The following NRXN3 variants were observed in gnomAD, a reference collection of about 807,000 sequenced individuals.
NRXN3 encodes neurexin III.
NRXN3 carries 32 observed loss-of-function variants against 137.6 expected under a neutral mutation model. The observed-to-expected ratio is 0.23, with a 90% CI of 0.18 to 0.31. The LOEUF (loss-of-function observed/expected upper bound fraction) is 0.31, where lower values mean the gene tolerates loss of function less well. Among genes scored for constraint, NRXN3 ranks in the 10% least tolerant of loss-of-function variants. The pLI is 1.00. For synonymous variants in NRXN3, 798 were observed against 784.5 expected (o/e 1.02, Z -0.29); for missense variants, 1,574 against 2,062.5 (o/e 0.76, Z 4.59).
chr14:78,908,708 G>A (rs951845673), intron 10 of NRXN3, among the ~76,000 whole-genome samples: 2 of 151,948 alleles, frequency 1.3e-5, no homozygotes, highest in African/African-American at 2.4e-5. Context: ...TAAGACATTG[G>A]TTTGAATAGA....
intron 15 of NRXN3, among the ~76,000 whole-genome samples, chr14:79,439,286 G>T (rs993515900): frequency 2.0e-5 from 3 of 152,198 alleles, no homozygotes; most frequent in African/African-American, 7.2e-5. Flanking sequence ...TACTCAGAAA[G>T]CATTAAATTT....
chr14:78,656,356 G>C (rs984466844), intron 6 of NRXN3, among the ~76,000 whole-genome samples: 1 of 152,238 alleles, frequency 6.6e-6, no homozygotes, highest in East Asian at 1.9e-4. Flanking sequence ...TTGAAGCCAA[G>C]TAGAAGTGAG....
At chr14:79,005,479 G>A (rs2099550466) in intron 15 of NRXN3, among the ~76,000 whole-genome samples, 4 of 152,114 alleles carry the variant, frequency 2.6e-5, no homozygotes, top group Admixed American at 1.3e-4. Context: ...GAAGTTATCT[G>A]ATGAGAGTCT....
At chr14:79,023,223 T>A (rs2099592640) in intron 15 of NRXN3, among the ~76,000 whole-genome samples, 2 of 151,842 alleles carry the variant, frequency 1.3e-5, no homozygotes, top group South Asian at 2.1e-4. Flanking sequence ...ATTTTTAGTA[T>A]CTTTGGGGGT....
chr14:78,464,896 C>A (rs534824630), intron 4 of NRXN3, among the ~76,000 whole-genome samples: 1 of 152,326 alleles, frequency 6.6e-6, no homozygotes, highest in African/African-American at 2.4e-5. Context: ...CAGTCGTATT[C>A]TTACTTATCC....
intron 16 of NRXN3, among the ~76,000 whole-genome samples, chr14:79,534,464 T>C (rs1401690590): frequency 1.3e-5 from 2 of 152,124 alleles, no homozygotes; most frequent in Non-Finnish European, 2.9e-5. Context: ...ATAGAACAAA[T>C]AAACGAATGT....
intron 17 of NRXN3, among the ~76,000 whole-genome samples, chr14:79,674,898 CTG>C (rs1294947741): frequency 6.6e-6 from 1 of 152,066 alleles, no homozygotes; most frequent in African/African-American, 2.4e-5. Flanking sequence ...TGACTGAAAA[CTG>C]TATATCCCAG....
At chr14:78,288,774 A>G (rs937170586) in intron 3 of NRXN3, among the ~76,000 whole-genome samples, 3 of 152,196 alleles carry the variant, frequency 2.0e-5, no homozygotes, top group Admixed American at 1.3e-4. Context: ...TGCATGAGGA[A>G]GCCTCACCAC....
At chr14:78,657,422 C>T (rs1387714649) in intron 6 of NRXN3, among the ~76,000 whole-genome samples, 1 of 152,192 alleles carries the variant, frequency 6.6e-6, no homozygotes, top group East Asian at 1.9e-4. Context: ...TCCATTTTCC[C>T]AAGTGGAGAA....
Position 79,372,133 on chromosome 14 carries a change from C to CAG in NRXN3, c.3263-95087_3263-95086insGA, listed in dbSNP as rs1274915863. Among the ~76,000 whole-genome samples the CAG allele has an allele frequency of 7.8e-5, 9 of 114,806 alleles. No homozygotes were observed. The South Asian group carries it at 1.3e-3, about 16-fold the overall frequency. 75.3% of individuals were successfully genotyped at this position (114,806 alleles called of 152,430 possible). Reference sequence around the variant, plus strand: ...TCTACATACACATACTTAAGACACACATAGAGAGTGTGTGAGAGAGAATCA... The same window carrying CAG: ...TCTACATACACATACTTAAGACACACAGATAGAGAGTGTGTGAGAGAGAATCA... On this transcript the variant is annotated intron_variant, in intron 15 of 20. Coordinates refer to ENST00000335750, the MANE Select transcript of NRXN3 (RefSeq NM_001330195.2).
intron 4 of NRXN3, among the ~76,000 whole-genome samples, chr14:78,350,075 G>A (rs772364870): frequency 2.0e-5 from 3 of 152,176 alleles, no homozygotes; most frequent in Non-Finnish European, 4.4e-5. Context: ...ATCACCTGAT[G>A]TCAGGAGTTT....
Position 79,598,175 on chromosome 14 carries a change from C to T in NRXN3, c.3445-65603C>T, listed in dbSNP as rs550237687. On this transcript the variant is annotated intron_variant, in intron 16 of 20. Transcript: ENST00000335750. Reference sequence around the variant, plus strand: ...GCTTTGAATAGATAAAGAGATATTGCAAGGATAGATGAACTCACTATCGTC... The same window carrying T: ...GCTTTGAATAGATAAAGAGATATTGTAAGGATAGATGAACTCACTATCGTC... Among the ~76,000 whole-genome samples, 35 of 152,176 alleles carry T rather than the reference C, an allele frequency of 2.3e-4. 1 individual carries two copies. Among genetic ancestry groups the T allele is most frequent in the Admixed American group, 2.3e-3 (35 of 15,284 alleles).
chr14:79,667,009 C>G (rs539406905), intron 17 of NRXN3, among the ~76,000 whole-genome samples: 6 of 151,848 alleles, frequency 4.0e-5, no homozygotes, highest in African/African-American at 1.4e-4. Context: ...ACTTTTTGAG[C>G]CTTGGATACC....
rs138293725 is a variant in NRXN3 at position 79,421,267 on chromosome 14, T to C, written c.3263-45954T>C. Among the ~76,000 whole-genome samples the C allele has an allele frequency of 4.4e-3, 663 of 152,302 alleles. 3 individuals are homozygous for C. Among genetic ancestry groups the C allele is most frequent in the South Asian group, 0.015 (72 of 4,822 alleles). On this transcript the variant is annotated intron_variant, in intron 15 of 20. Coordinates refer to ENST00000335750, the MANE Select transcript of NRXN3 (RefSeq NM_001330195.2). ...CTCGCCGCACTAAGATATTTTAATA[T>C]ACTTCAGTGGGAAAGGCTCTGATCC... is the stretch of plus-strand genomic sequence containing the variant.
intron 16 of NRXN3, among the ~76,000 whole-genome samples, chr14:79,602,146 A>T (rs1003683231): frequency 1.3e-5 from 2 of 152,214 alleles, no homozygotes; most frequent in African/African-American, 4.8e-5. Context: ...GGAGAAAGAT[A>T]AGCACAGTTG....
At chr14:78,975,692 T>C (rs1400892111) in intron 14 of NRXN3, among the ~76,000 whole-genome samples, 1 of 152,172 alleles carries the variant, frequency 6.6e-6, no homozygotes, top group Non-Finnish European at 1.5e-5. Context: ...GCCTGTTACT[T>C]GACTTGGTCA....
chr14:78,943,089 G>A lies in NRXN3; in HGVS notation c.2276-14153G>A, dbSNP rs552044418. Among the ~76,000 whole-genome samples, 7 of 152,186 alleles carry A rather than the reference G, an allele frequency of 4.6e-5. No individual in the cohort carries two copies. The South Asian group carries it at 1.5e-3, about 32-fold the overall frequency. Reference sequence around the variant, plus strand: ...AAAATTAAATTGGAGTTATATGATGGTTCAGGGAGCAACACATGTGTAGAG... The same window carrying A: ...AAAATTAAATTGGAGTTATATGATGATTCAGGGAGCAACACATGTGTAGAG... On this transcript the variant is annotated intron_variant, in intron 10 of 20. Coordinates refer to ENST00000335750, the MANE Select transcript of NRXN3 (RefSeq NM_001330195.2).
chr14:78,394,334 G>A (rs1293803023), intron 4 of NRXN3, among the ~76,000 whole-genome samples: 3 of 151,906 alleles, frequency 2.0e-5, no homozygotes, highest in Admixed American at 6.6e-5. Context: ...ATATAACCAT[G>A]TGTTTTTTTC....
chr14:78,701,913 C>T (rs1045932863), intron 6 of NRXN3, among the ~76,000 whole-genome samples: 1 of 152,152 alleles, frequency 6.6e-6, no homozygotes, highest in Non-Finnish European at 1.5e-5. Context: ...AAATATAAAG[C>T]ATGAAAATGG....
Sources: allele counts gnomAD v4.1 joint callset (sites outside exome capture counted in the v4.1 genomes callset), GRCh38; gene constraint gnomAD v4.1.1; transcripts MANE v1.5; gene names NCBI Gene and HGNC (gene_info 2026-07-23, HGNC 2026-07-21).